The following GFPT1 variants were observed in gnomAD, a reference collection of about 807,000 sequenced individuals.
The protein encoded by GFPT1 is glutamine--fructose-6-phosphate transaminase 1.
Under a neutral mutation model 92.0 loss-of-function variants are expected in GFPT1, and 40 were observed. That is an observed-to-expected ratio of 0.43 (90% CI 0.34 to 0.57). The LOEUF is 0.57. Ranked by LOEUF, GFPT1 falls within the 20% of genes least tolerant of loss-of-function variation. The pLI is 0.02. For missense variants in GFPT1, 448 were observed against 869.1 expected (o/e 0.52, Z 6.09); for synonymous variants, 269 against 280.6 (o/e 0.96, Z 0.41).
At chr2:69,352,607 C>T (rs1330595292) in intron 9 of GFPT1, among the ~76,000 whole-genome samples, 22 of 74,716 alleles carry the variant, frequency 2.9e-4, no homozygotes, top group East Asian at 3.9e-4. Flanking sequence ...AGCGAGACTT[C>T]GTCTCAAAAA....
chr2:69,382,540 T>G (rs1672035277), intron 1 of GFPT1, among the ~76,000 whole-genome samples: 1 of 152,212 alleles, frequency 6.6e-6, no homozygotes, highest in South Asian at 2.1e-4. Context: ...CATATCCAAT[T>G]AACTTCTCTG....
chr2:69,374,928 A>C (rs528228039), intron 1 of GFPT1, among the ~76,000 whole-genome samples: 71 of 152,362 alleles, frequency 4.7e-4, no homozygotes, highest in African/African-American at 1.7e-3. Flanking sequence ...ACTATCTTAA[A>C]AGATAATTGC....
intron 1 of GFPT1, among the ~76,000 whole-genome samples, chr2:69,379,995 AG>A (rs1483506000): frequency 2.6e-5 from 4 of 152,038 alleles, no homozygotes; most frequent in Non-Finnish European, 5.9e-5. Context: ...CTGGGATTAC[AG>A]GCATGAGCCA....
rs1157953552 is a variant in GFPT1, at chr2:69,370,412, C to T, written c.116-304G>A. 2.0e-5 allele frequency among the ~76,000 whole-genome samples: 3 copies of T among 152,070 alleles called. No individual in the cohort carries two copies. In the East Asian group the frequency reaches 5.8e-4, roughly 29 times the overall value. ...AATACTACAGGTTACAATTGGGATA[C>T]AATGGAGAAATGCAAAAGATGGGCA... On this transcript the variant is annotated intron_variant, in intron 2 of 19. Coordinates refer to ENST00000357308, the MANE Select transcript of GFPT1 (RefSeq NM_001244710.2).
At chr2:69,363,363 C>G (rs925705277) in intron 4 of GFPT1, among the ~76,000 whole-genome samples, 182 bp downstream of exon 4, 1 of 152,120 alleles carries the variant, frequency 6.6e-6, no homozygotes, top group Non-Finnish European at 1.5e-5. Context: ...CTCAGGCTCC[C>G]AAAGTGCTGG....
rs543285036 is a variant in GFPT1, at chr2:69,375,343, T to C, written c.8-1230A>G. On this transcript the variant is annotated intron_variant, in intron 1 of 19. Transcript: ENST00000357308. Reference sequence around the variant, plus strand: ...CTGTGAGATAGAACTCCCAAAAAACTAGTCTTCATTTCCATCTGAAAAGAG... The same window carrying C: ...CTGTGAGATAGAACTCCCAAAAAACCAGTCTTCATTTCCATCTGAAAAGAG... 2.0e-4 allele frequency among the ~76,000 whole-genome samples: 31 copies of C among 152,354 alleles called. No homozygotes were observed. The East Asian group carries it at 6.0e-3, about 29-fold the overall frequency.
chr2:69,368,707 C>T (rs915868565), intron 3 of GFPT1, among the ~76,000 whole-genome samples: 4 of 150,152 alleles, frequency 2.7e-5, no homozygotes, highest in Non-Finnish European at 4.4e-5. Flanking sequence ...CCAGCCTGGG[C>T]GTTACAGCGA....
At chr2:69,384,446 G>A (rs1381948673) in intron 1 of GFPT1, among the ~76,000 whole-genome samples, 1 of 152,072 alleles carries the variant, frequency 6.6e-6, no homozygotes, top group Non-Finnish European at 1.5e-5. Context: ...GGCCGGGTAA[G>A]GTGGCTCACT....
At chr2:69,354,400 A>G in intron 8 of GFPT1, 88 bp from the exon 9 acceptor site, 2 of 1,274,460 alleles carry the variant, frequency 1.6e-6, no homozygotes, top group Middle Eastern at 1.8e-4. Flanking sequence ...CTATATATAC[A>G]TGTGCATCTG....
At chr2:69,328,198 G>T in intron 18 of GFPT1, 73 bp downstream of exon 18, 1 of 1,109,480 alleles carries the variant, frequency 9.0e-7, no homozygotes, top group Non-Finnish European at 1.4e-6. Flanking sequence ...AACATGTTTT[G>T]TAAGTCATTC....
chr2:69,330,577 T>C (rs1348289912), intron 15 of GFPT1, among the ~76,000 whole-genome samples: 1 of 138,128 alleles, frequency 7.2e-6, no homozygotes, highest in Admixed American at 7.3e-5. Flanking sequence ...TAAGTTTGCA[T>C]TAAAAAAAAA....
intron 15 of GFPT1, among the ~76,000 whole-genome samples, chr2:69,332,010 A>G (rs1489407935): frequency 6.6e-6 from 1 of 152,176 alleles, no homozygotes; most frequent in African/African-American, 2.4e-5. Flanking sequence ...CACATCCTAC[A>G]TAAACTAAGT....
chr2:69,365,730 C>T (rs534040145), intron 3 of GFPT1, among the ~76,000 whole-genome samples: 1 of 152,266 alleles, frequency 6.6e-6, no homozygotes, highest in East Asian at 1.9e-4. Flanking sequence ...TTAAGGCAAC[C>T]TGATAAATGA....
chr2:69,375,946 G>A (rs1456794310), intron 1 of GFPT1, among the ~76,000 whole-genome samples: 1 of 152,190 alleles, frequency 6.6e-6, no homozygotes, highest in East Asian at 1.9e-4. Flanking sequence ...AAACACTAGA[G>A]GGCAGCAGAA....
chr2:69,349,278 T>G (rs1671153985), intron 10 of GFPT1, among the ~76,000 whole-genome samples: 1 of 152,252 alleles, frequency 6.6e-6, no homozygotes, highest in Non-Finnish European at 1.5e-5. Flanking sequence ...TCAATATGAA[T>G]GTATAAATGA....
In GFPT1 at chr2:69,320,437, T is replaced by G. The variant is rs1670378097; in HGVS notation, c.*5752A>C. On this transcript the variant is annotated 3_prime_UTR_variant, in exon 20 of 20. Transcript: ENST00000357308. ...CCATTTCAAAATATACAAAGCTGAG[T>G]GACAGAGGCAAAAATTAATTCCTAA... is the stretch of plus-strand genomic sequence containing the variant. The G allele has an allele frequency of 6.6e-6, 1 of 152,118 alleles. No individual in the cohort carries two copies. Among genetic ancestry groups the G allele is most frequent in the Admixed American group, 6.5e-5 (1 of 15,268 alleles). The allele number at this position is 152,118 out of a possible 1,614,324, so 9.4% of individuals were successfully genotyped here.
chr2:69,354,276 C>A lies in GFPT1; in HGVS notation c.722G>T (p.Gly241Val). ...TTTCCCACCTCTTTCTCCCTGTGAT[C>A]CCCACCGTGTGAATTTTGATCCAAT... The part of the protein sequence containing the change: ...TQIGSKFTRW[G>V]SQGERGKDKK... The change falls in exon 9 of 20, where the codon GGA becomes GTA. Residue 241 changes from glycine (G) to valine (V), a missense_variant. By Grantham distance (109) the Gly-to-Val change is moderately radical (BLOSUM62 -3). Coordinates refer to ENST00000357308, the MANE Select transcript of GFPT1 (RefSeq NM_001244710.2). 6.3e-7 allele frequency: 1 copy of A among 1,591,308 alleles called. No individual in the cohort carries two copies. Among genetic ancestry groups the A allele is most frequent in the Non-Finnish European group, 8.5e-7 (1 of 1,175,400 alleles).
chr2:69,333,515 C>T (rs1670721993), intron 15 of GFPT1, among the ~76,000 whole-genome samples: 1 of 152,164 alleles, frequency 6.6e-6, no homozygotes, highest in Non-Finnish European at 1.5e-5. Context: ...TCAGAATCTA[C>T]CGAGGTTTGA....
At chr2:69,376,367 C>T (rs1671870329) in intron 1 of GFPT1, among the ~76,000 whole-genome samples, 1 of 152,092 alleles carries the variant, frequency 6.6e-6, no homozygotes. Context: ...AAAAATTGGC[C>T]GGGCATGGTG....
Sources: gnomAD v4.1 joint callset for allele counts (sites outside exome capture counted in the v4.1 genomes callset) on GRCh38, gnomAD v4.1.1 for gene constraint, MANE v1.5 for transcripts, NCBI Gene and HGNC (gene_info 2026-07-23, HGNC 2026-07-21) for gene names.